FCN2: variants seen among roughly 807,000 people sequenced by gnomAD.
The protein encoded by FCN2 is ficolin 2.
Under a neutral mutation model 32.5 loss-of-function variants are expected in FCN2, and 31 were observed. The observed-to-expected ratio is 0.96, with a 90% CI of 0.72 to 1.29. The LOEUF is 1.29. Ranked by LOEUF, FCN2 falls within the 50% of genes most tolerant of loss-of-function variation. The pLI, the probability that FCN2 is intolerant of heterozygous loss-of-function variation, is 0.00. For missense variants in FCN2, 412 were observed against 406.5 expected, an observed-to-expected ratio of 1.01 and a Z score of -0.12; for synonymous variants, 181 against 164.5, an observed-to-expected ratio of 1.10 and a Z score of -0.77.
At chr9:134,874,652 C>T in the FCN2 span, among the ~76,000 whole-genome samples, 1 of 152,060 alleles carries the variant, frequency 6.6e-6, no homozygotes, top group African/African-American at 2.4e-5. Flanking sequence ...TATTGACCTC[C>T]CAAATTTGTT....
chr9:134,882,400 A>G (rs1268608748), intron 1 of FCN2, 126 bp from the exon 2 acceptor site: 2 of 806,646 alleles, frequency 2.5e-6, no homozygotes, highest in Non-Finnish European at 4.3e-6. Context: ...GGCTGTGGCT[A>G]TAGCCATCTG....
At chr9:134,865,628 G>A in the FCN2 span, among the ~76,000 whole-genome samples, 1 of 149,084 alleles carries the variant, frequency 6.7e-6, no homozygotes, top group African/African-American at 2.5e-5. Flanking sequence ...TGAGCCAGGG[G>A]TGAGGACAGA....
chr9:134,883,987 G>GC (rs398113944), intron 3 of FCN2, among the ~76,000 whole-genome samples: 2 of 146,284 alleles, frequency 1.4e-5, no homozygotes, highest in East Asian at 4.3e-4. Context: ...GGTGGGGGGG[G>GC]ATTGTCTGCC....
chr9:134,872,241 C>T, the FCN2 span, among the ~76,000 whole-genome samples: 1 of 151,486 alleles, frequency 6.6e-6, no homozygotes, highest in African/African-American at 2.4e-5. Flanking sequence ...GGAGTCGTAC[C>T]CCGTGGATGG....
At chr9:134,883,137 G>C (rs941662502) in intron 2 of FCN2, among the ~76,000 whole-genome samples, 165 bp from the exon 3 acceptor site, 1 of 152,228 alleles carries the variant, frequency 6.6e-6, no homozygotes, top group Non-Finnish European at 1.5e-5. Flanking sequence ...CCTGGATCTA[G>C]AACCTTCTGG....
At chr9:134,885,544 G>C (rs989084969) in intron 5 of FCN2, among the ~76,000 whole-genome samples, 178 bp downstream of exon 5, 2 of 152,134 alleles carry the variant, frequency 1.3e-5, no homozygotes, top group Non-Finnish European at 2.9e-5. Flanking sequence ...GGGAGAGGTT[G>C]GGTGCTCTCC....
the FCN2 span, among the ~76,000 whole-genome samples, chr9:134,864,972 C>T: frequency 2.0e-5 from 3 of 152,300 alleles, no homozygotes; most frequent in African/African-American, 4.8e-5. Context: ...GCAGAAGGGC[C>T]GTCGTGAGAG....
the FCN2 span, among the ~76,000 whole-genome samples, chr9:134,868,703 C>T: frequency 2.0e-5 from 3 of 152,230 alleles, no homozygotes; most frequent in African/African-American, 7.2e-5. This position sits in a 1 kb window ranked among gnomAD's most constrained non-coding sequence, Gnocchi z 4.3. Context: ...GTGCCTCCCT[C>T]ACCGCAGCCA....
At chr9:134,864,712 G>A in the FCN2 span, among the ~76,000 whole-genome samples, 1 of 152,180 alleles carries the variant, frequency 6.6e-6, no homozygotes, top group Non-Finnish European at 1.5e-5. Flanking sequence ...CACACTCCGG[G>A]AAGCTGACAG....
chr9:134,869,803 G>T, the FCN2 span, among the ~76,000 whole-genome samples: 7 of 152,216 alleles, frequency 4.6e-5, no homozygotes, highest in Non-Finnish European at 8.8e-5. Flanking sequence ...CTTGGCTCCT[G>T]CCCTCAGGTG....
At chr9:134,879,217 A>G (rs567306979), upstream of FCN2, among the ~76,000 whole-genome samples, 5 of 152,312 alleles carry the variant, frequency 3.3e-5, no homozygotes, top group South Asian at 1.0e-3. Context: ...TCAATTGGCC[A>G]TTTTCTGTTG....
upstream of FCN2, among the ~76,000 whole-genome samples, chr9:134,876,431 T>C (rs571915725): frequency 1.1e-4 from 16 of 152,212 alleles, no homozygotes; most frequent in Non-Finnish European, 2.2e-4. Flanking sequence ...CTCTATTCTG[T>C]AGACTCTCTA....
the FCN2 span, among the ~76,000 whole-genome samples, chr9:134,875,121 T>G: frequency 2.0e-5 from 3 of 152,234 alleles, no homozygotes; most frequent in Admixed American, 1.3e-4. Flanking sequence ...AATCATGTCA[T>G]GTGTTAAATA....
At chr9:134,865,091 C>G in the FCN2 span, among the ~76,000 whole-genome samples, 1 of 152,256 alleles carries the variant, frequency 6.6e-6, no homozygotes, top group Non-Finnish European at 1.5e-5. Flanking sequence ...CCCAGCTGGA[C>G]GTGGCCAGCA....
At chr9:134,874,175 C>A in the FCN2 span, among the ~76,000 whole-genome samples, 1 of 152,146 alleles carries the variant, frequency 6.6e-6, no homozygotes. Context: ...CTTGGCCTCC[C>A]AAAGTCCTGG....
At chr9:134,884,874 A>G (rs867496166) in intron 4 of FCN2, 102 bp downstream of exon 4, 1 of 1,065,346 alleles carries the variant, frequency 9.4e-7, no homozygotes, top group Middle Eastern at 2.0e-4. Context: ...ACAAATATGA[A>G]CAGAAGAAAA....
chr9:134,885,727 G>A (rs767394925), intron 5 of FCN2, 41 bp from the exon 6 acceptor site: 104 of 1,613,334 alleles, frequency 6.4e-5, no homozygotes, highest in South Asian at 9.9e-5. Flanking sequence ...GTGGGACGTC[G>A]GCCTGGCCCC....
In FCN2 at chr9:134,885,618, G is replaced by A; in HGVS notation, c.430-150G>A. 3.5e-6 allele frequency: 4 copies of A among 1,155,090 alleles called. No homozygotes were observed. The South Asian group carries it at 5.9e-5, about 17-fold the overall frequency. The allele number at this position is 1,155,090 out of a possible 1,614,324, so 71.6% of individuals were successfully genotyped here. ...GCCCCCATTTCCTCCTTCATCCTGT[G>A]GAGTCTGTGAGGAGAACAGGTGGGC... On this transcript the variant is annotated intron_variant, in intron 5 of 7. Transcript: ENST00000291744.
chr9:134,871,560 G>A, the FCN2 span, among the ~76,000 whole-genome samples: 3 of 152,192 alleles, frequency 2.0e-5, no homozygotes, highest in Admixed American at 2.0e-4. Flanking sequence ...TGGCTCTGGG[G>A]CCCCAGACCC....
Sources: allele counts gnomAD v4.1 joint callset (sites outside exome capture counted in the v4.1 genomes callset), GRCh38; gene constraint gnomAD v4.1.1; non-coding constraint Gnocchi (gnomAD v3.1); transcripts MANE v1.5; gene names NCBI Gene and HGNC (gene_info 2026-07-23, HGNC 2026-07-21).